PKNOX2: variants seen among roughly 807,000 people sequenced by gnomAD.
PKNOX2 encodes the protein homeobox protein PKNOX2.
PKNOX2 carries 14 observed loss-of-function variants against 53.1 expected under a neutral mutation model. The observed-to-expected ratio is 0.26, with a 90% confidence interval of 0.17 to 0.41. PKNOX2 has a LOEUF of 0.41. PKNOX2 is among the 10% of genes least tolerant of loss of function. The pLI, the probability that PKNOX2 is intolerant of heterozygous loss-of-function variation, is 1.00. For synonymous variants in PKNOX2, 257 were observed against 242.8 expected (o/e 1.06, Z -0.54); for missense variants, 496 against 602.8 (o/e 0.82, Z 1.85).
rs187763260 is a variant in PKNOX2 at position 125,173,109 on chromosome 11, G to C, written c.-201+8333G>C. The stretch of plus-strand genomic sequence containing the variant: ...ACCCCTCTGAGCCTCCGTTTTCTTG[G>C]CTTTATAGGTGAGGATAATAATACT... On this transcript the variant is annotated intron_variant, in intron 1 of 12. Transcript: ENST00000298282. 2.0e-4 allele frequency among the ~76,000 whole-genome samples: 31 copies of C among 152,242 alleles called. 1 individual carries two copies. The highest frequency in any genetic ancestry group is 8.5e-4 in the Admixed American group (13 of 15,298).
chr11:125,202,425 C>T (rs1591479442), intron 1 of PKNOX2, among the ~76,000 whole-genome samples: 1 of 152,340 alleles, frequency 6.6e-6, no homozygotes, highest in East Asian at 1.9e-4. Context: ...TCCTCTTTAC[C>T]TCTCCCCTCA....
chr11:125,346,217 T>C (rs1216910405), intron 3 of PKNOX2, among the ~76,000 whole-genome samples: 1 of 152,166 alleles, frequency 6.6e-6, no homozygotes, highest in African/African-American at 2.4e-5. Flanking sequence ...TGGGGGCGTC[T>C]GGGCTGAAGG....
chr11:125,260,042 T>C (rs1944722207), intron 2 of PKNOX2, among the ~76,000 whole-genome samples: 1 of 151,880 alleles, frequency 6.6e-6, no homozygotes, highest in Non-Finnish European at 1.5e-5. Context: ...CAGCTATTTT[T>C]TGCTTGTTTG....
intron 2 of PKNOX2, among the ~76,000 whole-genome samples, chr11:125,309,322 CAT>C (rs1283926584): frequency 4.0e-5 from 6 of 151,690 alleles, no homozygotes; most frequent in African/African-American, 1.5e-4. Flanking sequence ...TTTTTTCCCA[CAT>C]GACATGCTTT....
At chr11:125,208,011 A>G (rs756978270) in intron 1 of PKNOX2, among the ~76,000 whole-genome samples, 17 of 152,138 alleles carry the variant, frequency 1.1e-4, no homozygotes, top group Admixed American at 2.6e-4. Flanking sequence ...TAGAGGAGAT[A>G]GGACAAATGT....
At position 125,218,970 on chromosome 11, in the gene PKNOX2, A is replaced by G. The variant is rs531040911; in HGVS notation, c.-200-16075A>G. Among the ~76,000 whole-genome samples the G allele has an allele frequency of 1.6e-4, 24 of 152,280 alleles. No individual in the cohort carries two copies. In the South Asian group the frequency reaches 5.0e-3, roughly 32 times the overall value. ...CCAACTGGCTTTCCTCTGGGTCACA[A>G]GATGGTAGTGGCAGTTCCAGGCATC... On this transcript the variant is annotated intron_variant, in intron 1 of 12. Transcript: ENST00000298282.
chr11:125,262,432 G>T (rs986918670), intron 2 of PKNOX2, among the ~76,000 whole-genome samples: 1 of 151,918 alleles, frequency 6.6e-6, no homozygotes, highest in Non-Finnish European at 1.5e-5. Flanking sequence ...TTAGCGTCCC[G>T]TCGCAGATTA....
Position 125,165,040 on chromosome 11 carries a change from C to G in PKNOX2, c.-201+264C>G, listed in dbSNP as rs1954749071. ...AGCGTGCAGAGAGAAGCTGGGGAAG[C>G]GCCGGGAGAGCGCGGAGCGGAGCAG... On this transcript the variant is annotated intron_variant, in intron 1 of 12. Coordinates refer to ENST00000298282, the MANE Select transcript of PKNOX2 (RefSeq NM_001382323.2). The surrounding 1 kb of genome is among the most constrained non-coding windows in gnomAD (Gnocchi z 4.5). Among the ~76,000 whole-genome samples, 1 of 151,062 alleles carries G rather than the reference C, an allele frequency of 6.6e-6. No homozygotes were observed. Among genetic ancestry groups the G allele is most frequent in the Admixed American group, 6.6e-5 (1 of 15,208 alleles).
intron 11 of PKNOX2, among the ~76,000 whole-genome samples, chr11:125,429,326 T>A (rs1956582873): frequency 6.6e-6 from 1 of 152,176 alleles, no homozygotes; most frequent in East Asian, 1.9e-4. Flanking sequence ...GGCACATCCC[T>A]GGAAGCTTCT....
Position 125,263,950 on chromosome 11 carries a change from C to A in PKNOX2, c.-130+28835C>A, listed in dbSNP as rs552179291. On this transcript the variant is annotated intron_variant, in intron 2 of 12. Coordinates refer to ENST00000298282, the MANE Select transcript of PKNOX2 (RefSeq NM_001382323.2). Reference sequence around the variant, plus strand: ...GGGCTTTTCCTGGCTTCCTTCTCCGCACCCTTCCATCCAGCTCTTGCAGGA... The same window carrying A: ...GGGCTTTTCCTGGCTTCCTTCTCCGAACCCTTCCATCCAGCTCTTGCAGGA... 2.4e-4 allele frequency among the ~76,000 whole-genome samples: 36 copies of A among 152,266 alleles called. No individual in the cohort carries two copies. The East Asian group carries it at 3.7e-3, about 16-fold the overall frequency.
chr11:125,180,096 C>T (rs1956068898), intron 1 of PKNOX2, among the ~76,000 whole-genome samples: 3 of 152,164 alleles, frequency 2.0e-5, no homozygotes, highest in South Asian at 2.1e-4. Context: ...AGGGCCCCCG[C>T]GTGTACTGGT....
chr11:125,371,400 C>T (rs539486753), intron 5 of PKNOX2, among the ~76,000 whole-genome samples: 10 of 152,212 alleles, frequency 6.6e-5, no homozygotes, highest in African/African-American at 2.4e-4. Context: ...GAAGTTCAAG[C>T]TTAGCTTGAA....
chr11:125,337,476 C>T (rs758468878), intron 3 of PKNOX2, among the ~76,000 whole-genome samples: 8 of 152,206 alleles, frequency 5.3e-5, no homozygotes, highest in South Asian at 2.1e-4. Flanking sequence ...AGGTTCAAAA[C>T]CTTTTTCTCC....
intron 3 of PKNOX2, among the ~76,000 whole-genome samples, chr11:125,336,347 TTATC>T (rs1950430795): frequency 6.6e-6 from 1 of 152,020 alleles, no homozygotes; most frequent in Non-Finnish European, 1.5e-5. Context: ...TTTTCTCAGT[TTATC>T]TATTTATCTA....
chr11:125,422,298 C>T lies in PKNOX2; in HGVS notation c.937-6714C>T, dbSNP rs904282794. ...TCTGTGCCTGAAGGCCTTTAGTGTA[C>T]GGCTACCAGGAGGAAGGAGGTCAGG... On this transcript the variant is annotated intron_variant, in intron 10 of 12. Transcript: ENST00000298282. The surrounding 1 kb of genome is among the most constrained non-coding windows in gnomAD (Gnocchi z 4.1). Among the ~76,000 whole-genome samples, 5 of 152,084 alleles carry T rather than the reference C, an allele frequency of 3.3e-5. No homozygotes were observed. The highest frequency in any genetic ancestry group is 1.3e-4 in the Admixed American group (2 of 15,280).
intron 1 of PKNOX2, among the ~76,000 whole-genome samples, chr11:125,178,425 C>T (rs771173870): frequency 1.3e-5 from 2 of 150,876 alleles, no homozygotes; most frequent in Non-Finnish European, 2.9e-5. Context: ...GCAGGAGAAT[C>T]GCTTGAACCC....
At chr11:125,428,235 T>A (rs11220069) in intron 10 of PKNOX2, among the ~76,000 whole-genome samples, 1 of 151,984 alleles carries the variant, frequency 6.6e-6, no homozygotes, top group East Asian at 1.9e-4. Flanking sequence ...GAGAGACACC[T>A]GCCCTGCTCT....
At chr11:125,360,617 A>C (rs1951871796) in intron 4 of PKNOX2, among the ~76,000 whole-genome samples, 1 of 151,964 alleles carries the variant, frequency 6.6e-6, no homozygotes. Flanking sequence ...ACACTTGCCT[A>C]CCTCCCAGGG....
In PKNOX2 at chr11:125,274,430, C is replaced by G. The variant is rs1423845758; in HGVS notation, c.-130+39315C>G. Among the ~76,000 whole-genome samples, 8 of 152,228 alleles carry G rather than the reference C, an allele frequency of 5.3e-5. 1 individual carries two copies. Among genetic ancestry groups the G allele is most frequent in the Admixed American group, 2.6e-4 (4 of 15,290 alleles). On this transcript the variant is annotated intron_variant, in intron 2 of 12. Coordinates refer to ENST00000298282, the MANE Select transcript of PKNOX2 (RefSeq NM_001382323.2). ...GAGTCCCTATATATGAATCCTTTGC[C>G]TCTGCGGTGCCAGCCCCTGTGCAGA...
Sources: gnomAD v4.1 joint callset for allele counts (sites outside exome capture counted in the v4.1 genomes callset) on GRCh38, gnomAD v4.1.1 for gene constraint, Gnocchi (gnomAD v3.1) non-coding constraint, MANE v1.5 for transcripts, NCBI Gene and HGNC (gene_info 2026-07-23, HGNC 2026-07-21) for gene names.